The following ANKAR variants were observed in gnomAD, a reference collection of about 807,000 sequenced individuals.
The protein encoded by ANKAR is ankyrin and armadillo repeat-containing protein.
A neutral mutation model predicts 146.2 loss-of-function variants in ANKAR; 136 were observed. The ratio of observed to expected loss-of-function variants is 0.93; its 90% CI spans 0.81 to 1.07. ANKAR has a LOEUF of 1.07. Among genes scored for constraint, ANKAR ranks in the 50% least tolerant of loss-of-function variants. The probability of loss-of-function intolerance (pLI) is 0.00; values close to 1 mark genes in which losing one functional copy is unlikely to be tolerated. For missense variants in ANKAR, 1,567 were observed against 1,679.9 expected, an observed-to-expected ratio of 0.93 and a Z score of 1.18; for synonymous variants, 500 against 575.8, an observed-to-expected ratio of 0.87 and a Z score of 1.88.
chr2:189,759,394 G>A (rs189304082), intron 18 of ANKAR, among the ~76,000 whole-genome samples: 3 of 152,086 alleles, frequency 2.0e-5, no homozygotes, highest in East Asian at 3.9e-4. Flanking sequence ...GACTACAGGC[G>A]TCCGCCACCA....
chr2:189,696,267 A>G lies in ANKAR; in HGVS notation c.1606A>G (p.Ile536Val), dbSNP rs767644962. The change falls in exon 7 of 23, where the codon ATT becomes GTT. Residue 536 changes from isoleucine (I) to valine (V), a missense_variant. By Grantham distance (29) the Ile-to-Val change is conservative (BLOSUM62 3). Coordinates refer to ENST00000684021, the MANE Select transcript of ANKAR (RefSeq NM_001378068.1). ...INVSDEAGYT[I>V]FHHAALHNRV... ...TGTTTCAGATGAAGCAGGTTATACTATTTTTCATCATGCTGCCCTGCACAA... is the reference window on the plus strand; with the variant it reads ...TGTTTCAGATGAAGCAGGTTATACTGTTTTTCATCATGCTGCCCTGCACAA... 2.5e-6 allele frequency: 4 copies of G among 1,614,066 alleles called. No individual in the cohort carries two copies. The highest frequency in any genetic ancestry group is 3.4e-6 in the Non-Finnish European group (4 of 1,180,010).
In ANKAR at chr2:189,746,441, A is replaced by G. The variant is rs753867563; in HGVS notation, c.4119A>G (p.Leu1373=). The change falls in exon 23 of 23, where the codon TTA becomes TTG. Residue 1373 remains leucine, a synonymous_variant. Transcript: ENST00000684021. ...KIQPKDSLTL[L]PPVTNFMGLF... ...AACCAAAAGATTCTTTGACTTTATT[A>G]CCTCCTGTAACTAACTTCATGGGAC... 8.1e-6 allele frequency: 13 copies of G among 1,610,908 alleles called. No homozygotes were observed. In the East Asian group the frequency reaches 2.7e-4, roughly 33 times the overall value.
At position 189,709,680 on chromosome 2, in the gene ANKAR, T is replaced by G. The variant is rs569531084; in HGVS notation, c.2120-1369T>G. ...AAGAAGTCTGGCTCAATACCTGACG[T>G]TGGAATTTACTAGGTACTGGGAACA... is the stretch of plus-strand genomic sequence containing the variant. On this transcript the variant is annotated intron_variant, in intron 9 of 22. Coordinates refer to ENST00000684021, the MANE Select transcript of ANKAR (RefSeq NM_001378068.1). Among the ~76,000 whole-genome samples, 119 of 152,300 alleles carry G rather than the reference T, an allele frequency of 7.8e-4. 2 individuals carry two copies. The highest frequency in any genetic ancestry group is 2.8e-3 in the African/African-American group (115 of 41,562).
intron 18 of ANKAR, among the ~76,000 whole-genome samples, chr2:189,760,339 G>A (rs572217293): frequency 1.3e-5 from 2 of 152,250 alleles, no homozygotes; most frequent in African/African-American, 2.4e-5. Flanking sequence ...GCGGCCAGGC[G>A]GAGGGGCCCC....
intron 15 of ANKAR, among the ~76,000 whole-genome samples, chr2:189,729,894 A>C (rs2042253724): frequency 6.6e-6 from 1 of 152,108 alleles, no homozygotes; most frequent in South Asian, 2.1e-4. Context: ...GTGACATTTA[A>C]TATTAGCAAA....
intron 18 of ANKAR, among the ~76,000 whole-genome samples, 182 bp from the exon 19 acceptor site, chr2:189,738,383 C>T (rs1357184903): frequency 6.6e-6 from 1 of 151,898 alleles, no homozygotes; most frequent in Non-Finnish European, 1.5e-5. Flanking sequence ...CTGCTATGAC[C>T]AGACAGGGAC....
chr2:189,720,238 G>C (rs1328472706), intron 11 of ANKAR, among the ~76,000 whole-genome samples: 1 of 151,960 alleles, frequency 6.6e-6, no homozygotes, highest in Non-Finnish European at 1.5e-5. Context: ...AAAGATTACA[G>C]ACTTGTGTTT....
intron 10 of ANKAR, among the ~76,000 whole-genome samples, chr2:189,718,470 C>T (rs1452727187): frequency 6.6e-6 from 1 of 152,028 alleles, no homozygotes; most frequent in African/African-American, 2.4e-5. Flanking sequence ...ACGTGAGATG[C>T]TCCAGAAATA....
chr2:189,689,215 A>C (rs1182609463), intron 2 of ANKAR, among the ~76,000 whole-genome samples: 1 of 152,038 alleles, frequency 6.6e-6, no homozygotes, highest in Non-Finnish European at 1.5e-5. Context: ...TTTTAACATT[A>C]ATGCTGGTCA....
At chr2:189,698,408 A>C (rs1171303255) in intron 7 of ANKAR, among the ~76,000 whole-genome samples, 1 of 152,072 alleles carries the variant, frequency 6.6e-6, no homozygotes, top group Admixed American at 6.6e-5. Flanking sequence ...AGTTATTATA[A>C]TATAAATTAG....
intron 10 of ANKAR, among the ~76,000 whole-genome samples, chr2:189,717,601 C>G (rs938444735): frequency 6.6e-5 from 10 of 152,096 alleles, no homozygotes; most frequent in African/African-American, 2.4e-4. Flanking sequence ...ATACCCAAAG[C>G]ATTATAAATC....
At chr2:189,690,718 A>G (rs1040465580) in intron 3 of ANKAR, among the ~76,000 whole-genome samples, 1 of 152,196 alleles carries the variant, frequency 6.6e-6, no homozygotes, top group East Asian at 1.9e-4. Context: ...GAAAGTTTGT[A>G]TCATGAGAAT....
Position 189,696,372 on chromosome 2 carries a change from A to G in ANKAR, c.1708+3A>G. The stretch of plus-strand genomic sequence containing the variant: ...GCGCTTTGTTACGTTCAGCCAAGGT[A>G]CCATAAAGTTTTTTAACCTAAAATG... On this transcript the variant is annotated splice_donor_region_variant and intron_variant, in intron 7 of 22. Coordinates refer to ENST00000684021, the MANE Select transcript of ANKAR (RefSeq NM_001378068.1). 6.2e-7 allele frequency: 1 copy of G among 1,606,410 alleles called. No homozygotes were observed. The highest frequency in any genetic ancestry group is 8.5e-7 in the Non-Finnish European group (1 of 1,177,490).
intron 12 of ANKAR, among the ~76,000 whole-genome samples, chr2:189,725,279 T>TACACACAC (rs10546393): frequency 0.026 from 3,796 of 146,518 alleles, 144 homozygotes; most frequent in African/African-American, 0.082. Flanking sequence ...TATGGATTTA[T>TACACACAC]ACACACACAC....
intron 2 of ANKAR, among the ~76,000 whole-genome samples, chr2:189,683,273 A>G (rs769767266): frequency 5.9e-5 from 9 of 152,210 alleles, no homozygotes; most frequent in Non-Finnish European, 1.3e-4. Context: ...TAGATGAGGG[A>G]AAAGTGTATC....
chr2:189,715,939 C>G (rs548028113), intron 10 of ANKAR, among the ~76,000 whole-genome samples: 1 of 152,282 alleles, frequency 6.6e-6, no homozygotes, highest in Non-Finnish European at 1.5e-5. Flanking sequence ...GAATGTATCT[C>G]AAAATAATAA....
intron 8 of ANKAR, among the ~76,000 whole-genome samples, chr2:189,706,512 T>C: frequency 6.6e-6 from 1 of 152,212 alleles, no homozygotes; most frequent in East Asian, 1.9e-4. Flanking sequence ...ACTGTTAGTT[T>C]CTGCCACAAT....
rs1206274329 is a variant in ANKAR at position 189,696,290 on chromosome 2, C to T, written c.1629C>T (p.His543=). 6.2e-7 allele frequency: 1 copy of T among 1,613,986 alleles called. No homozygotes were observed. Among genetic ancestry groups the T allele is most frequent in the Non-Finnish European group, 8.5e-7 (1 of 1,180,010 alleles). ...GYTIFHHAAL[H]NRVSIICQLC... is the part of the protein sequence containing the mutation. Reference sequence around the variant, plus strand: ...CTATTTTTCATCATGCTGCCCTGCACAACAGAGTTTCTATTATATGTCAAC... The same window carrying T: ...CTATTTTTCATCATGCTGCCCTGCATAACAGAGTTTCTATTATATGTCAAC... The change falls in exon 7 of 23, where the codon CAC becomes CAT. Residue 543 remains histidine (H), a synonymous_variant. Coordinates refer to ENST00000684021, the MANE Select transcript of ANKAR (RefSeq NM_001378068.1).
intron 18 of ANKAR, among the ~76,000 whole-genome samples, chr2:189,760,504 G>T (rs1037008869): frequency 1.3e-5 from 2 of 152,188 alleles, no homozygotes; most frequent in Non-Finnish European, 2.9e-5. Context: ...TAACAATCTG[G>T]ATTTCCAGCC....
Sources: gnomAD v4.1 joint callset for allele counts (sites outside exome capture counted in the v4.1 genomes callset) on GRCh38, gnomAD v4.1.1 for gene constraint, MANE v1.5 for transcripts, NCBI Gene and HGNC (gene_info 2026-07-23, HGNC 2026-07-21) for gene names.